The following GRHL1 variants were observed in gnomAD, a reference collection of about 807,000 sequenced individuals.
The protein encoded by GRHL1 is grainyhead like transcription factor 1, also known as grainyhead-like protein 1 homolog.
A neutral mutation model predicts 75.7 loss-of-function variants in GRHL1; 38 were observed. The ratio of observed to expected loss-of-function variants is 0.50; its 90% CI spans 0.39 to 0.66. The LOEUF is 0.66. Among genes scored for constraint, GRHL1 ranks in the 30% least tolerant of loss-of-function variants. GRHL1 has a pLI of 0.00. For missense variants in GRHL1, 589 were observed against 767.5 expected, an observed-to-expected ratio of 0.77 and a Z score of 2.75; for synonymous variants, 266 against 279.4, an observed-to-expected ratio of 0.95 and a Z score of 0.48.
rs991611701 is a variant in GRHL1, at chr2:9,987,659, T to C, written c.1269+1377T>C. ...TGACCTGTTTTCCCTGGTGTGGCTC[T>C]TTTTTTATCTGGAGAAGAGAGGCTT... On this transcript the variant is annotated intron_variant, in intron 9 of 15. Coordinates refer to ENST00000324907, the MANE Select transcript of GRHL1 (RefSeq NM_198182.3). The surrounding 1 kb of genome is among the most constrained non-coding windows in gnomAD (Gnocchi z 4.2). Among the ~76,000 whole-genome samples the C allele has an allele frequency of 1.4e-5, 2 of 144,484 alleles. No homozygotes were observed. The highest frequency in any genetic ancestry group is 5.8e-5 in the African/African-American group (2 of 34,220). 94.8% of individuals were successfully genotyped at this position (144,484 alleles called of 152,430 possible).
At chr2:9,989,479 A>T (rs908101258) in intron 9 of GRHL1, among the ~76,000 whole-genome samples, 1 of 152,192 alleles carries the variant, frequency 6.6e-6, no homozygotes, top group Non-Finnish European at 1.5e-5. Flanking sequence ...GTTCAGCTGC[A>T]TGGTACTATC....
chr2:9,976,922 T>A (rs996795102), intron 8 of GRHL1, among the ~76,000 whole-genome samples: 1 of 152,236 alleles, frequency 6.6e-6, no homozygotes, highest in Admixed American at 6.5e-5. Flanking sequence ...CTAAGGAATG[T>A]TGTCTTTTTC....
rs1411227752 is a variant in GRHL1, at chr2:9,968,011, T to TC, written c.1110+2634dup. 6.6e-6 allele frequency among the ~76,000 whole-genome samples: 1 copy of TC among 152,194 alleles called. No individual in the cohort carries two copies. Among genetic ancestry groups the TC allele is most frequent in the Non-Finnish European group, 1.5e-5 (1 of 68,034 alleles). On this transcript the variant is annotated intron_variant, in intron 8 of 15. Coordinates refer to ENST00000324907, the MANE Select transcript of GRHL1 (RefSeq NM_198182.3). The surrounding 1 kb of genome is among the most constrained non-coding windows in gnomAD (Gnocchi z 4.7). ...TGGAGCTATGTGGCATTTCCTCCCC[T>TC]CCCCTTTTAGTGATCTCTAATGTAC...
At chr2:9,973,706 A>G (rs1667829326) in intron 8 of GRHL1, among the ~76,000 whole-genome samples, 1 of 152,262 alleles carries the variant, frequency 6.6e-6, no homozygotes, top group Non-Finnish European at 1.5e-5. Context: ...AGAGAATTAA[A>G]TTAGAAATTT....
chr2:9,996,597 C>T (rs1668870882), intron 14 of GRHL1, among the ~76,000 whole-genome samples, 196 bp downstream of exon 14: 1 of 152,164 alleles, frequency 6.6e-6, no homozygotes, highest in Non-Finnish European at 1.5e-5. Flanking sequence ...CTCAGTCACA[C>T]CTGTTCCACT....
chr2:9,963,793 G>C, intron 5 of GRHL1, 93 bp from the exon 6 acceptor site: 1 of 839,194 alleles, frequency 1.2e-6, no homozygotes, highest in Non-Finnish European at 1.8e-6. Context: ...TTTTCTTTAA[G>C]TGAAAAAGAT....
intron 8 of GRHL1, among the ~76,000 whole-genome samples, chr2:9,980,111 A>C (rs1291841652): frequency 6.6e-6 from 1 of 151,610 alleles, no homozygotes; most frequent in African/African-American, 2.4e-5. Context: ...ACCTGCTGTG[A>C]AATGAACCTC....
chr2:9,995,764 C>A, intron 12 of GRHL1, 115 bp from the exon 13 acceptor site: 1 of 676,016 alleles, frequency 1.5e-6, no homozygotes, highest in South Asian at 1.8e-5. Context: ...GAAGCTGGAC[C>A]AGATAAAGAA....
chr2:9,965,350 C>T lies in GRHL1; in HGVS notation c.1079C>T (p.Ser360Phe). Residue 360 changes from serine to phenylalanine, a missense_variant, in exon 8 of 16, where the codon TCC (serine) becomes TTC (phenylalanine). This residue lies in a region of GRHL1 where 362 missense variants were observed against 461.8 expected (regional missense o/e 0.78). Transcript: ENST00000324907. The part of the protein sequence containing the change: ...NIEEIAYNAI[S>F]FTWDINDEAK... ...GAGGAGATTGCGTATAACGCCATTT[C>T]CTTCACATGGGACATCAACGATGAA... is the stretch of plus-strand genomic sequence containing the variant. 1.2e-6 allele frequency: 2 copies of T among 1,610,554 alleles called. No homozygotes were observed. Among genetic ancestry groups the T allele is most frequent in the Non-Finnish European group, 8.5e-7 (1 of 1,176,746 alleles).
chr2:9,965,670 C>T lies in GRHL1; in HGVS notation c.1110+289C>T, dbSNP rs1426976752. 17 of 395,074 alleles carry T rather than the reference C, an allele frequency of 4.3e-5. No individual in the cohort carries two copies. The South Asian group carries it at 6.7e-4, about 16-fold the overall frequency. 24.5% of individuals were successfully genotyped at this position (395,074 alleles called of 1,614,324 possible). A position where few individuals can be genotyped will look rare whatever the true frequency, so the allele number is the denominator to read the frequency against. ...CCTCATTTGCTTTGCCTCATTTCCT[C>T]ATTTGCACAGTGGAGGTGATATCTG... On this transcript the variant is annotated intron_variant, in intron 8 of 15. Transcript: ENST00000324907.
In GRHL1 at chr2:9,964,352, C is replaced by T. The variant is rs762123559; in HGVS notation, c.1015+6C>T. 43 of 1,480,786 alleles carry T rather than the reference C, an allele frequency of 2.9e-5. No individual in the cohort carries two copies. The Middle Eastern group carries it at 1.0e-3, about 36-fold the overall frequency. The allele number at this position is 1,480,786 out of a possible 1,614,324, so 91.7% of individuals were successfully genotyped here. A position where few individuals can be genotyped will look rare whatever the true frequency, so the allele number is the denominator to read the frequency against. On this transcript the variant is annotated splice_donor_region_variant and intron_variant, in intron 7 of 15. Coordinates refer to ENST00000324907, the MANE Select transcript of GRHL1 (RefSeq NM_198182.3). ...ACAAAGATGCATTGACATAGGTAAG[C>T]AGCTCAAGAGCCCGCTTTTATTCCC...
intron 4 of GRHL1, among the ~76,000 whole-genome samples, chr2:9,961,793 G>T (rs1264770037): frequency 6.6e-6 from 1 of 152,164 alleles, no homozygotes; most frequent in Non-Finnish European, 1.5e-5. Context: ...GCTCCCTGGA[G>T]CTCATATAAA....
rs1332304887 is a variant in GRHL1 at position 9,955,067 on chromosome 2, C to T, written c.173C>T (p.Ala58Val). 6.2e-7 allele frequency: 1 copy of T among 1,613,616 alleles called. No individual in the cohort carries two copies. The highest frequency in any genetic ancestry group is 1.3e-5 in the African/African-American group (1 of 75,050). The change falls in exon 2 of 16, where the codon GCC (alanine) becomes GTC (valine). Residue 58 changes from alanine (A) to valine (V), a missense_variant. Ala to Val is a moderately conservative substitution (Grantham distance 64). Transcript: ENST00000324907. ...AGCATCAATGGAGATGAAGACAGCG[C>T]CGCTGCGCTGGGCCTGCTCTATGAC... ...MMSINGDEDS[A>V]AALGLLYDYY... is the part of the protein sequence containing the mutation.
At chr2:9,963,739 G>C (rs1667373118) in intron 5 of GRHL1, 147 bp from the exon 6 acceptor site, 6 of 556,974 alleles carry the variant, frequency 1.1e-5, no homozygotes, top group Non-Finnish European at 1.6e-5. Context: ...TTCCACCTCT[G>C]AGAGACTTGA....
intron 15 of GRHL1, among the ~76,000 whole-genome samples, chr2:9,999,829 GTAGT>G (rs1669193443): frequency 6.6e-6 from 1 of 152,296 alleles, no homozygotes; most frequent in Non-Finnish European, 1.5e-5. Flanking sequence ...GGACTTAATA[GTAGT>G]TAATTTATTT....
In GRHL1 at chr2:9,963,904, C is replaced by T. The variant is rs776312633; in HGVS notation, c.765C>T (p.Thr255=). The T allele has an allele frequency of 3.0e-5, 49 of 1,613,384 alleles. No individual in the cohort carries two copies. In the Admixed American group the frequency reaches 8.2e-4, roughly 27 times the overall value. The change falls in exon 6 of 16, where the codon ACC becomes ACT. Residue 255 remains threonine, a synonymous_variant. Transcript: ENST00000324907. ...DSVSGNNFEY[T]LEASKSLRQK... Reference sequence around the variant, plus strand: ...CCTTTAGGAACAACTTTGAATATACCCTAGAAGCTTCAAAATCACTTCGAC... The same window carrying T: ...CCTTTAGGAACAACTTTGAATATACTCTAGAAGCTTCAAAATCACTTCGAC...
In GRHL1 at chr2:9,998,747, CATATATACGTATATATATGTACACACAT is replaced by C. The variant is rs1558321108; in HGVS notation, c.1678-212_1678-185del. On this transcript the variant is annotated intron_variant, in intron 14 of 15. Coordinates refer to ENST00000324907, the MANE Select transcript of GRHL1 (RefSeq NM_198182.3). ...ACATATATACGTATATATGTACACA[CATATATACGTATATATATGTACACACAT>C]ATATACGTATATATATGTACACACA... Among the ~76,000 whole-genome samples the C allele has an allele frequency of 1.8e-3, 62 of 35,404 alleles. 15 individuals are homozygous for C. The highest frequency in any genetic ancestry group is 2.5e-3 in the Non-Finnish European group (57 of 23,120). The allele number at this position is 35,404 out of a possible 152,430, so 23.2% of individuals were successfully genotyped here. A position where few individuals can be genotyped will look rare whatever the true frequency, so the allele number is the denominator to read the frequency against.
rs1055470263 is a variant in GRHL1, at chr2:9,964,771, C to T, written c.1015+425C>T. On this transcript the variant is annotated intron_variant, in intron 7 of 15. Coordinates refer to ENST00000324907, the MANE Select transcript of GRHL1 (RefSeq NM_198182.3). Reference sequence around the variant, plus strand: ...AGTCTTCCCTAGTCACGTGCTAAACCGTGTAACTAACCTCTCTGTGGGCTG... The same window carrying T: ...AGTCTTCCCTAGTCACGTGCTAAACTGTGTAACTAACCTCTCTGTGGGCTG... 13 of 170,932 alleles carry T rather than the reference C, an allele frequency of 7.6e-5. No individual in the cohort carries two copies. The South Asian group carries it at 7.8e-4, about 10-fold the overall frequency. 10.6% of individuals were successfully genotyped at this position (170,932 alleles called of 1,614,324 possible). A position where few individuals can be genotyped will look rare whatever the true frequency, so the allele number is the denominator to read the frequency against.
chr2:9,975,657 C>T (rs1196097071), intron 8 of GRHL1, among the ~76,000 whole-genome samples: 1 of 151,762 alleles, frequency 6.6e-6, no homozygotes, highest in Non-Finnish European at 1.5e-5. Flanking sequence ...ACGGGTGTAT[C>T]ACCTGAGATC....
Sources: allele counts gnomAD v4.1 joint callset (sites outside exome capture counted in the v4.1 genomes callset), GRCh38; gene constraint gnomAD v4.1.1; regional missense constraint gnomAD v4.1.1; non-coding constraint Gnocchi (gnomAD v3.1); transcripts MANE v1.5; gene names NCBI Gene and HGNC (gene_info 2026-07-23, HGNC 2026-07-21).